Variants in DGKD observed in about 807,000 individuals in gnomAD.
The protein encoded by DGKD is DAG kinase delta.
In DGKD, 68 loss-of-function variants were observed where a neutral mutation model predicts 154.4. That is an observed-to-expected ratio of 0.44 (90% confidence interval 0.36 to 0.54). The LOEUF (loss-of-function observed/expected upper bound fraction) is 0.54, where lower values mean the gene tolerates loss of function less well. Ranked by LOEUF, DGKD falls within the 20% of genes least tolerant of loss-of-function variation. DGKD has a pLI of 0.00. For missense variants in DGKD, 1,343 were observed against 1,593.6 expected, an observed-to-expected ratio of 0.84 and a Z score of 2.68; for synonymous variants, 693 against 638.0, an observed-to-expected ratio of 1.09 and a Z score of -1.30.
At chr2:233,418,682 C>T (rs181766056) in intron 3 of DGKD, among the ~76,000 whole-genome samples, 32 of 152,340 alleles carry the variant, frequency 2.1e-4, no homozygotes, top group African/African-American at 5.8e-4. Context: ...TCTGACTGTG[C>T]TGTGGGTGGC....
At chr2:233,413,704 G>A (rs757685511) in intron 3 of DGKD, among the ~76,000 whole-genome samples, 3 of 152,244 alleles carry the variant, frequency 2.0e-5, no homozygotes, top group Non-Finnish European at 4.4e-5. Context: ...TGTCGTCACT[G>A]TGCTGTGACG....
intron 3 of DGKD, among the ~76,000 whole-genome samples, chr2:233,432,591 G>C (rs1045766581): frequency 1.4e-4 from 22 of 152,276 alleles, no homozygotes; most frequent in African/African-American, 5.3e-4. Flanking sequence ...CCCAAGAGGC[G>C]GAGTTTGCAG....
chr2:233,417,571 C>T (rs1559521814), intron 3 of DGKD, among the ~76,000 whole-genome samples: 1 of 151,900 alleles, frequency 6.6e-6, no homozygotes, highest in Non-Finnish European at 1.5e-5. Context: ...TGCATTATGG[C>T]AAAAATACCT....
chr2:233,414,020 C>T (rs934005839), intron 3 of DGKD, among the ~76,000 whole-genome samples: 6 of 152,038 alleles, frequency 3.9e-5, no homozygotes, highest in Non-Finnish European at 5.9e-5. Flanking sequence ...AATTAGGAAG[C>T]GGGGGTTCTA....
At chr2:233,395,916 T>C (rs1315661222) in intron 3 of DGKD, among the ~76,000 whole-genome samples, 1 of 152,204 alleles carries the variant, frequency 6.6e-6, no homozygotes, top group African/African-American at 2.4e-5. Context: ...CTTTGTGTAT[T>C]ACTGAGGGTT....
At chr2:233,468,990 G>A (rs892807906) in intron 29 of DGKD, among the ~76,000 whole-genome samples, 1 of 152,208 alleles carries the variant, frequency 6.6e-6, no homozygotes, top group African/African-American at 2.4e-5. Context: ...CCATGCCCCT[G>A]CCCAGGTTGG....
chr2:233,442,129 G>A (rs2062916104), intron 10 of DGKD, 134 bp downstream of exon 10: 1 of 863,274 alleles, frequency 1.2e-6, no homozygotes, highest in Non-Finnish European at 1.9e-6. Flanking sequence ...TTTGGGGAGT[G>A]TGCAGTTTGG....
In DGKD at chr2:233,438,743, C is replaced by T. The variant is rs533388371; in HGVS notation, c.1085+364C>T. Among the ~76,000 whole-genome samples, 7 of 88,844 alleles carry T rather than the reference C, an allele frequency of 7.9e-5. No individual in the cohort carries two copies. The highest frequency in any genetic ancestry group is 4.1e-4 in the African/African-American group (6 of 14,764). 58.3% of individuals were successfully genotyped at this position (88,844 alleles called of 152,430 possible). ...TTTCATTTTATAATTTTTTATTTAT[C>T]TGTCTATCTATCATCTATCTATCTA... On this transcript the variant is annotated intron_variant, in intron 9 of 29. Coordinates refer to ENST00000264057, the MANE Select transcript of DGKD (RefSeq NM_152879.3). This position sits in a 1 kb window ranked among gnomAD's most constrained non-coding sequence, Gnocchi z 4.1.
Position 233,457,131 on chromosome 2 carries a change from C to T in DGKD, c.2473-90C>T. Reference sequence around the variant, plus strand: ...GGGATGCCCTGGCCACGGCTGTGCTCCTGAGCCCCTGGCGGTGGGAAGCTG... The same window carrying T: ...GGGATGCCCTGGCCACGGCTGTGCTTCTGAGCCCCTGGCGGTGGGAAGCTG... On this transcript the variant is annotated intron_variant, in intron 20 of 29. Transcript: ENST00000264057. This position sits in a 1 kb window ranked among gnomAD's most constrained non-coding sequence, Gnocchi z 5.5. 3.0e-6 allele frequency: 4 copies of T among 1,317,728 alleles called. No homozygotes were observed. Among genetic ancestry groups the T allele is most frequent in the Non-Finnish European group, 4.3e-6 (4 of 938,972 alleles). The allele number at this position is 1,317,728 out of a possible 1,614,324, so 81.6% of individuals were successfully genotyped here.
At chr2:233,421,843 C>G (rs139492073) in intron 3 of DGKD, among the ~76,000 whole-genome samples, 4 of 152,344 alleles carry the variant, frequency 2.6e-5, no homozygotes, top group African/African-American at 9.6e-5. Context: ...TCCGCAGGAG[C>G]AGGAATCTTT....
In DGKD at chr2:233,374,018, AT is replaced by A. The variant is rs200014683; in HGVS notation, c.157-14227del. On this transcript the variant is annotated intron_variant, in intron 1 of 29. Transcript: ENST00000264057. ...ACTCCCCTTTATGTCTTTTAGTTTAATTTTTTTTTTTTACACAGGGTTTTTT... is the reference window on the plus strand; with the variant it reads ...ACTCCCCTTTATGTCTTTTAGTTTAATTTTTTTTTTTACACAGGGTTTTTT... Among the ~76,000 whole-genome samples, 115 of 146,140 alleles carry A rather than the reference AT, an allele frequency of 7.9e-4. 1 individual carries two copies. The South Asian group carries it at 0.01, about 13-fold the overall frequency.
At position 233,450,972 on chromosome 2, in the gene DGKD, G is replaced by A. The variant is rs780553472; in HGVS notation, c.2089G>A (p.Gly697Ser). 5 of 1,612,430 alleles carry A rather than the reference G, an allele frequency of 3.1e-6. No homozygotes were observed. The African/African-American group carries it at 5.3e-5, about 17-fold the overall frequency. The part of the protein sequence containing the change: ...KLISKGSLSL[G>S]SSASLPPQPG... The stretch of plus-strand genomic sequence containing the variant: ...GATCAGCAAAGGGAGTCTGTCCCTA[G>A]GCAGTTCTGCTTCCCTTCCGCCCCA... The change falls in exon 17 of 30, where the codon GGC becomes AGC. Residue 697 changes from glycine to serine, a missense_variant. By Grantham distance (56) the Gly-to-Ser change is moderately conservative. Coordinates refer to ENST00000264057, the MANE Select transcript of DGKD (RefSeq NM_152879.3).
chr2:233,393,363 G>C (rs1269244791), intron 3 of DGKD, among the ~76,000 whole-genome samples: 1 of 129,732 alleles, frequency 7.7e-6, no homozygotes, highest in African/African-American at 3.0e-5. Flanking sequence ...TTGAGACAGG[G>C]TCTTGCTCTG....
chr2:233,403,491 G>A (rs2125491009), intron 3 of DGKD, among the ~76,000 whole-genome samples: 1 of 151,932 alleles, frequency 6.6e-6, no homozygotes, highest in East Asian at 2.0e-4. Context: ...AACCCAGGAG[G>A]TGGAGGTTGC....
intron 3 of DGKD, among the ~76,000 whole-genome samples, chr2:233,417,161 T>A (rs1359752832): frequency 6.6e-6 from 1 of 152,148 alleles, no homozygotes; most frequent in Non-Finnish European, 1.5e-5. Context: ...GCCTCCTGAG[T>A]AGCTGGGACT....
At chr2:233,456,572 A>G (rs1221513068) in intron 19 of DGKD, among the ~76,000 whole-genome samples, 1 of 152,194 alleles carries the variant, frequency 6.6e-6, no homozygotes, top group Non-Finnish European at 1.5e-5. Context: ...TATGGTAAGC[A>G]TAATTTTTTA....
intron 10 of DGKD, chr2:233,442,217 AG>A (rs2062921998): frequency 1.3e-5 from 9 of 667,116 alleles, no homozygotes; most frequent in Non-Finnish European, 2.2e-5. Flanking sequence ...ATGATGTATG[AG>A]GGGGACCTGA....
At chr2:233,381,481 T>A (rs951651639) in intron 1 of DGKD, among the ~76,000 whole-genome samples, 2 of 152,232 alleles carry the variant, frequency 1.3e-5, no homozygotes, top group Non-Finnish European at 2.9e-5. Context: ...CTTGGGTGAA[T>A]TACTTAATCC....
At chr2:233,456,855 G>A (rs1392313281) in intron 19 of DGKD, 44 bp from the exon 20 acceptor site, 4 of 1,495,806 alleles carry the variant, frequency 2.7e-6, no homozygotes, top group African/African-American at 1.4e-5. Flanking sequence ...TTAACTATAC[G>A]AAGAAAGCCC....
Sources: gnomAD v4.1 joint callset for allele counts (sites outside exome capture counted in the v4.1 genomes callset) on GRCh38, gnomAD v4.1.1 for gene constraint, Gnocchi (gnomAD v3.1) non-coding constraint, MANE v1.5 for transcripts, NCBI Gene and HGNC (gene_info 2026-07-23, HGNC 2026-07-21) for gene names.